The following LRP1B variants were observed in gnomAD, a reference collection of about 807,000 sequenced individuals.
LRP1B encodes the protein low-density lipoprotein receptor-related protein 1B.
A neutral mutation model predicts 556.6 loss-of-function variants in LRP1B; 217 were observed. That is an observed-to-expected ratio of 0.39 (90% confidence interval 0.35 to 0.44). The LOEUF is 0.44. Ranked by LOEUF, LRP1B falls within the 20% of genes least tolerant of loss-of-function variation. The probability of loss-of-function intolerance (pLI) is 1.00; values close to 1 mark genes in which losing one functional copy is unlikely to be tolerated. For missense variants in LRP1B, 5,053 were observed against 5,620.8 expected (o/e 0.90, Z 3.23); for synonymous variants, 2,047 against 1,865.8 (o/e 1.10, Z -2.50).
At chr2:140,909,488 C>T (rs145577064) in intron 21 of LRP1B, among the ~76,000 whole-genome samples, 298 of 151,614 alleles carry the variant, frequency 2.0e-3, no homozygotes, top group African/African-American at 6.8e-3. Flanking sequence ...AACTAAAATA[C>T]ATTTGATATT....
chr2:140,314,862 C>T, intron 83 of LRP1B, 73 bp downstream of exon 83: 1 of 1,082,528 alleles, frequency 9.2e-7, no homozygotes, highest in African/African-American at 1.6e-5. Flanking sequence ...ATATTTGTAA[C>T]ATTAAGCATT....
intron 2 of LRP1B, among the ~76,000 whole-genome samples, chr2:141,573,869 C>T (rs529203353): frequency 6.6e-6 from 1 of 152,020 alleles, no homozygotes; most frequent in Non-Finnish European, 1.5e-5. Flanking sequence ...AATTGCTGGA[C>T]AAATACACTC....
chr2:141,530,941 T>C (rs1453789752), intron 2 of LRP1B, among the ~76,000 whole-genome samples: 1 of 151,126 alleles, frequency 6.6e-6, no homozygotes, highest in East Asian at 1.9e-4. Flanking sequence ...ACCTTACAGG[T>C]ATCAAGATGT....
chr2:141,411,344 C>T (rs1402132972), intron 3 of LRP1B, among the ~76,000 whole-genome samples: 6 of 152,030 alleles, frequency 3.9e-5, no homozygotes, highest in African/African-American at 1.2e-4. Flanking sequence ...GTGTAAATAC[C>T]TCCAATGTTT....
At chr2:141,827,236 C>T (rs1267433578) in intron 1 of LRP1B, among the ~76,000 whole-genome samples, 1 of 152,174 alleles carries the variant, frequency 6.6e-6, no homozygotes, top group Non-Finnish European at 1.5e-5. Flanking sequence ...TTGAATTATC[C>T]TCCTAAATGC....
intron 6 of LRP1B, among the ~76,000 whole-genome samples, chr2:141,206,621 C>T (rs74268857): frequency 0.078 from 11,810 of 151,946 alleles, 500 homozygotes; most frequent in East Asian, 0.15. Flanking sequence ...TATTTCTAAA[C>T]AAAGAACACC....
chr2:141,761,196 T>G (rs1256154507), intron 2 of LRP1B, among the ~76,000 whole-genome samples: 6 of 152,320 alleles, frequency 3.9e-5, no homozygotes, highest in African/African-American at 1.4e-4. Flanking sequence ...CTATTATCAG[T>G]TGATCCAATT....
chr2:141,266,090 C>T (rs928989541), intron 3 of LRP1B, among the ~76,000 whole-genome samples: 4 of 151,940 alleles, frequency 2.6e-5, no homozygotes, highest in Admixed American at 1.3e-4. Context: ...TTTGGGAGGC[C>T]GAGGCAGGCA....
rs573124284 is a variant in LRP1B, at chr2:141,598,247, C to T, written c.206-117714G>A. On this transcript the variant is annotated intron_variant, in intron 2 of 90. Transcript: ENST00000389484. ...GAATACCACAGTGTCCTTAGTAGCA[C>T]TGTGGACACACTTGGCACTTACCTA... is the stretch of plus-strand genomic sequence containing the variant. 9.2e-5 allele frequency among the ~76,000 whole-genome samples: 14 copies of T among 152,118 alleles called. 1 individual carries two copies. In the South Asian group the frequency reaches 1.5e-3, roughly 16 times the overall value.
intron 2 of LRP1B, among the ~76,000 whole-genome samples, chr2:141,728,978 G>C (rs1339567432): frequency 6.6e-6 from 1 of 152,112 alleles, no homozygotes; most frequent in Non-Finnish European, 1.5e-5. Flanking sequence ...GCCAACAGGT[G>C]GCCAGACACT....
chr2:141,995,698 C>T lies in LRP1B; in HGVS notation c.82+134950G>A, dbSNP rs186847400. ...CATAAAATCCCTATCCATTAGAAAG[C>T]TTCATCTTGTGAGAGAGGAAATAAT... On this transcript the variant is annotated intron_variant, in intron 1 of 90. Coordinates refer to ENST00000389484, the MANE Select transcript of LRP1B (RefSeq NM_018557.3). Among the ~76,000 whole-genome samples the T allele has an allele frequency of 1.2e-3, 181 of 152,246 alleles. 1 individual carries two copies. The highest frequency in any genetic ancestry group is 2.3e-3 in the Non-Finnish European group (156 of 68,026).
intron 22 of LRP1B, among the ~76,000 whole-genome samples, chr2:140,905,487 A>G (rs1394467803): frequency 6.6e-6 from 1 of 152,050 alleles, no homozygotes; most frequent in East Asian, 1.9e-4. Flanking sequence ...CCTTCTAAGG[A>G]GCTGAGAGCG....
chr2:140,810,634 C>G (rs1336096639), intron 32 of LRP1B, among the ~76,000 whole-genome samples: 2 of 152,018 alleles, frequency 1.3e-5, no homozygotes, highest in South Asian at 2.1e-4. Context: ...GAGACTCTTC[C>G]CCTGATTCTC....
intron 7 of LRP1B, among the ~76,000 whole-genome samples, chr2:141,086,813 A>G (rs146920801): frequency 6.6e-6 from 1 of 152,252 alleles, no homozygotes; most frequent in Admixed American, 6.5e-5. Context: ...ACACCCTCAG[A>G]AGCCAGCCAA....
At chr2:141,217,495 G>T (rs917471470) in intron 6 of LRP1B, among the ~76,000 whole-genome samples, 1 of 152,032 alleles carries the variant, frequency 6.6e-6, no homozygotes, top group Non-Finnish European at 1.5e-5. Context: ...TGAACTATCA[G>T]CCCTACTCAA....
chr2:140,921,763 C>A (rs184949135), intron 21 of LRP1B, among the ~76,000 whole-genome samples: 4 of 152,042 alleles, frequency 2.6e-5, no homozygotes, highest in African/African-American at 9.6e-5. Context: ...TTATCTATAC[C>A]TATGTTAGCT....
intron 21 of LRP1B, among the ~76,000 whole-genome samples, chr2:140,917,420 A>G (rs1694612547): frequency 6.6e-6 from 1 of 152,196 alleles, no homozygotes; most frequent in Non-Finnish European, 1.5e-5. Context: ...AGCTTTATTC[A>G]TAATTGCCAG....
intron 43 of LRP1B, among the ~76,000 whole-genome samples, chr2:140,595,118 A>ATC (rs1682388105): frequency 1.0e-5 from 1 of 96,706 alleles, no homozygotes; most frequent in African/African-American, 4.9e-5. Context: ...ATATATATAT[A>ATC]TATATATATA....
At chr2:142,114,637 G>A (rs1037183273) in intron 1 of LRP1B, among the ~76,000 whole-genome samples, 2 of 152,012 alleles carry the variant, frequency 1.3e-5, no homozygotes, top group Non-Finnish European at 2.9e-5. Flanking sequence ...GAACTGGGGG[G>A]CATTAAACAA....
Sources: allele counts gnomAD v4.1 joint callset (sites outside exome capture counted in the v4.1 genomes callset), GRCh38; gene constraint gnomAD v4.1.1; transcripts MANE v1.5; gene names NCBI Gene and HGNC (gene_info 2026-07-23, HGNC 2026-07-21).